ARMH4: variants seen among roughly 807,000 people sequenced by gnomAD.
ARMH4 encodes armadillo like helical domain containing 4.
In ARMH4, 49 loss-of-function variants were observed where a neutral mutation model predicts 61.9. That is an observed-to-expected ratio of 0.79 (90% confidence interval 0.63 to 1.00). The LOEUF is 1.00. ARMH4 is among the 50% of genes least tolerant of loss of function. The pLI is 0.00. For missense variants in ARMH4, 934 were observed against 930.0 expected (o/e 1.00, Z -0.06); for synonymous variants, 368 against 341.5 (o/e 1.08, Z -0.85).
At chr14:58,112,748 A>G (rs1886394708) in intron 4 of ARMH4, among the ~76,000 whole-genome samples, 1 of 152,108 alleles carries the variant, frequency 6.6e-6, no homozygotes, top group Non-Finnish European at 1.5e-5. Flanking sequence ...AGAGGCACAT[A>G]TTTCTAGGTT....
intron 6 of ARMH4, among the ~76,000 whole-genome samples, chr14:58,009,833 G>C (rs199675252): frequency 2.2e-5 from 3 of 133,372 alleles, no homozygotes; most frequent in Non-Finnish European, 4.8e-5. Context: ...AAAAAAGAGA[G>C]AGAGAGAGAG....
intron 4 of ARMH4, among the ~76,000 whole-genome samples, chr14:58,130,956 C>G (rs775964003): frequency 1.2e-4 from 19 of 152,198 alleles, no homozygotes; most frequent in Non-Finnish European, 2.5e-4. Context: ...AGATTCCACC[C>G]CCCACCATCT....
intron 5 of ARMH4, among the ~76,000 whole-genome samples, chr14:58,013,018 G>C (rs1408285028): frequency 6.6e-6 from 1 of 151,678 alleles, no homozygotes; most frequent in Non-Finnish European, 1.5e-5. Context: ...TCAGACAGGA[G>C]GAAAAAAAGA....
At chr14:58,066,077 T>G (rs1435845489) in intron 5 of ARMH4, among the ~76,000 whole-genome samples, 2 of 152,248 alleles carry the variant, frequency 1.3e-5, no homozygotes, top group Non-Finnish European at 2.9e-5. Context: ...CTCTTCACAT[T>G]ATTTCATCAT....
At chr14:58,090,781 G>A (rs553361216) in intron 5 of ARMH4, among the ~76,000 whole-genome samples, 15 of 150,868 alleles carry the variant, frequency 9.9e-5, no homozygotes, top group African/African-American at 3.7e-4. Flanking sequence ...TCGGGCTGCT[G>A]AAGCAGGAGA....
intron 5 of ARMH4, among the ~76,000 whole-genome samples, chr14:58,042,050 T>C (rs1883731772): frequency 6.6e-6 from 1 of 151,326 alleles, no homozygotes; most frequent in Admixed American, 6.6e-5. Flanking sequence ...GACAGAAAGT[T>C]AACAAGGATA....
intron 5 of ARMH4, among the ~76,000 whole-genome samples, chr14:58,013,545 T>G (rs1025735749): frequency 2.0e-5 from 3 of 152,154 alleles, no homozygotes; most frequent in African/African-American, 4.8e-5. Context: ...CTGACTCTAG[T>G]AATAATATAT....
chr14:58,080,330 T>C (rs963388055), intron 5 of ARMH4, among the ~76,000 whole-genome samples: 4 of 152,048 alleles, frequency 2.6e-5, no homozygotes, highest in South Asian at 2.1e-4. Flanking sequence ...GGTTTCTCCA[T>C]GTTGGTCAGG....
At chr14:58,097,568 C>T (rs1885796233) in intron 4 of ARMH4, among the ~76,000 whole-genome samples, 1 of 152,118 alleles carries the variant, frequency 6.6e-6, no homozygotes, top group Non-Finnish European at 1.5e-5. Context: ...CAATCCAACT[C>T]TAAAGGAATT....
chr14:58,008,440 T>C (rs1220535482), intron 6 of ARMH4, among the ~76,000 whole-genome samples: 2 of 152,228 alleles, frequency 1.3e-5, no homozygotes, highest in Non-Finnish European at 2.9e-5. Flanking sequence ...CAAATATTGC[T>C]AAATATACTT....
rs114184317 is a variant in ARMH4 at position 58,084,916 on chromosome 14, C to T, written c.2089+11808G>A. ...CCCTGTGGCCATTAATTCTCAAATG[C>T]TGAAATGAAATAAACAAGTTGATTT... On this transcript the variant is annotated intron_variant, in intron 5 of 7. Transcript: ENST00000267485. Among the ~76,000 whole-genome samples the T allele has an allele frequency of 1.3e-3, 196 of 152,352 alleles. 1 individual carries two copies. The highest frequency in any genetic ancestry group is 4.5e-3 in the African/African-American group (189 of 41,576).
chr14:58,110,599 G>T (rs963973714), intron 4 of ARMH4, among the ~76,000 whole-genome samples: 3 of 152,004 alleles, frequency 2.0e-5, no homozygotes, highest in Non-Finnish European at 4.4e-5. Context: ...TTATTTAGAA[G>T]TAGTTTTTTT....
intron 2 of ARMH4, 42 bp from the exon 3 acceptor site, chr14:58,133,383 T>C (rs770999362): frequency 2.0e-6 from 2 of 1,001,368 alleles, no homozygotes; most frequent in South Asian, 1.8e-5. Context: ...CAAATCCCTA[T>C]TTTTTTAAAA....
intron 5 of ARMH4, among the ~76,000 whole-genome samples, chr14:58,087,281 C>T (rs560324724): frequency 2.0e-5 from 3 of 152,152 alleles, no homozygotes; most frequent in African/African-American, 4.8e-5. Flanking sequence ...TATAGTATTG[C>T]TTCTGTGAAC....
At chr14:58,057,575 T>C (rs1884386802) in intron 5 of ARMH4, among the ~76,000 whole-genome samples, 1 of 148,100 alleles carries the variant, frequency 6.8e-6, no homozygotes, top group Non-Finnish European at 1.5e-5. Context: ...TGTGTCTGTG[T>C]GTGTGTGTGT....
intron 1 of ARMH4, among the ~76,000 whole-genome samples, chr14:58,147,004 T>A (rs1744712540): frequency 6.6e-6 from 1 of 152,198 alleles, no homozygotes; most frequent in Admixed American, 6.5e-5. Flanking sequence ...TTTCTTATGA[T>A]ATACACAAAA....
At chr14:58,053,586 G>C (rs1884220985) in intron 5 of ARMH4, among the ~76,000 whole-genome samples, 1 of 152,158 alleles carries the variant, frequency 6.6e-6, no homozygotes, top group African/African-American at 2.4e-5. Context: ...ATCAGGCCAA[G>C]GCCCCTGGTA....
intron 5 of ARMH4, among the ~76,000 whole-genome samples, chr14:58,046,141 G>A (rs1405175728): frequency 6.6e-6 from 1 of 152,134 alleles, no homozygotes; most frequent in Admixed American, 6.5e-5. Context: ...TAAGCACAGG[G>A]TGCCTCATTA....
At chr14:58,066,406 G>C (rs1273403229) in intron 5 of ARMH4, among the ~76,000 whole-genome samples, 1 of 152,198 alleles carries the variant, frequency 6.6e-6, no homozygotes, top group Non-Finnish European at 1.5e-5. Context: ...CAGGGCTGGG[G>C]CAGAGGAGAA....
Sources: allele counts gnomAD v4.1 joint callset (sites outside exome capture counted in the v4.1 genomes callset), GRCh38; gene constraint gnomAD v4.1.1; transcripts MANE v1.5; gene names NCBI Gene and HGNC (gene_info 2026-07-23, HGNC 2026-07-21).